The following NME7 variants were observed in gnomAD, a reference collection of about 807,000 sequenced individuals.
NME7 encodes the protein NME/NM23 family member 7.
In NME7, 41 loss-of-function variants were observed where a neutral mutation model predicts 49.1. The ratio of observed to expected loss-of-function variants is 0.83; its 90% CI spans 0.65 to 1.08. The LOEUF is 1.08. Ranked by LOEUF, NME7 falls within the 50% of genes least tolerant of loss-of-function variation. The pLI, the probability that NME7 is intolerant of heterozygous loss-of-function variation, is 0.00. For synonymous variants in NME7, 139 were observed against 150.6 expected (o/e 0.92, Z 0.56); for missense variants, 423 against 463.4 (o/e 0.91, Z 0.80).
chr1:169,148,187 G>C (rs1658813955), intron 11 of NME7, among the ~76,000 whole-genome samples: 1 of 151,918 alleles, frequency 6.6e-6, no homozygotes, highest in South Asian at 2.1e-4. Context: ...ATTTTTTGTA[G>C]AGCCAAGATT....
At position 169,197,192 on chromosome 1, in the gene NME7, T is replaced by G. The variant is rs530467221; in HGVS notation, c.991-27638A>C. ...TGAAATGTTCTATATTTAACTGCTT[T>G]ATAAATTGAAAAAGATTTTTGGAAA... On this transcript the variant is annotated intron_variant, in intron 10 of 11. Transcript: ENST00000367811. Among the ~76,000 whole-genome samples, 3 of 152,282 alleles carry G rather than the reference T, an allele frequency of 2.0e-5. No individual in the cohort carries two copies. The South Asian group carries it at 6.2e-4, about 32-fold the overall frequency.
At chr1:169,342,501 AAG>A (rs1265459677) in intron 1 of NME7, among the ~76,000 whole-genome samples, 3 of 128,014 alleles carry the variant, frequency 2.3e-5, no homozygotes, top group East Asian at 4.1e-4. Context: ...ATATATATAC[AAG>A]TACATATATA....
At chr1:169,207,736 A>G (rs1203156540) in intron 10 of NME7, among the ~76,000 whole-genome samples, 1 of 152,158 alleles carries the variant, frequency 6.6e-6, no homozygotes, top group African/African-American at 2.4e-5. Flanking sequence ...CATTGATGAG[A>G]AATTCAAAAG....
chr1:169,360,935 A>G (rs1653630696), intron 1 of NME7, among the ~76,000 whole-genome samples: 1 of 152,216 alleles, frequency 6.6e-6, no homozygotes, highest in East Asian at 1.9e-4. Context: ...ACCCCAGGCT[A>G]GTTCAGATCA....
At chr1:169,337,761 G>T (rs1006373691) in intron 1 of NME7, among the ~76,000 whole-genome samples, 1 of 152,122 alleles carries the variant, frequency 6.6e-6, no homozygotes, top group African/African-American at 2.4e-5. Context: ...CAAGGAAAAG[G>T]TTTATATTAT....
chr1:169,342,460 C>A (rs1044519647), intron 1 of NME7, among the ~76,000 whole-genome samples: 2 of 144,964 alleles, frequency 1.4e-5, no homozygotes, highest in African/African-American at 2.6e-5. Context: ...TGGACTAATA[C>A]AAGTACATAT....
chr1:169,344,319 T>C (rs866307474), intron 1 of NME7, among the ~76,000 whole-genome samples: 1 of 152,186 alleles, frequency 6.6e-6, no homozygotes, highest in Non-Finnish European at 1.5e-5. Context: ...ATATACAGGG[T>C]CACATCCTCT....
chr1:169,178,657 T>C (rs566330528), intron 10 of NME7, among the ~76,000 whole-genome samples: 2 of 152,270 alleles, frequency 1.3e-5, no homozygotes, highest in East Asian at 3.9e-4. Context: ...CTCAGTGATA[T>C]TCTGAGGCTC....
chr1:169,227,447 T>C (rs528423788), intron 10 of NME7, among the ~76,000 whole-genome samples: 1 of 152,328 alleles, frequency 6.6e-6, no homozygotes, highest in East Asian at 1.9e-4. Context: ...CTAGGCAATT[T>C]ATGGAGAAAA....
rs140225616 is a variant in NME7, at chr1:169,300,827, A to T, written c.441-2064T>A. On this transcript the variant is annotated intron_variant, in intron 5 of 11. Transcript: ENST00000367811. ...TTTGACAAAGTCAACAAAAATAAGC[A>T]ATGGAGAAAGGATTCTCTATTCAAT... is the stretch of plus-strand genomic sequence containing the variant. Among the ~76,000 whole-genome samples, 943 of 152,266 alleles carry T rather than the reference A, an allele frequency of 6.2e-3. 10 individuals are homozygous for T. The highest frequency in any genetic ancestry group is 0.021 in the African/African-American group (888 of 41,550).
chr1:169,270,259 T>C (rs1252043431), intron 7 of NME7, among the ~76,000 whole-genome samples: 1 of 134,288 alleles, frequency 7.4e-6, no homozygotes, highest in Non-Finnish European at 1.7e-5. Context: ...GGAAAATTTC[T>C]AACAAAATTT....
chr1:169,277,401 T>C (rs1178238797), intron 7 of NME7, among the ~76,000 whole-genome samples: 1 of 139,620 alleles, frequency 7.2e-6, no homozygotes, highest in East Asian at 2.4e-4. Flanking sequence ...TTAGGATAGT[T>C]AGCTCTTCTT....
intron 10 of NME7, among the ~76,000 whole-genome samples, chr1:169,186,513 A>G (rs775119921): frequency 1.3e-5 from 2 of 152,178 alleles, no homozygotes; most frequent in Non-Finnish European, 2.9e-5. Flanking sequence ...GTGTCCAGGA[A>G]TTTATCCATT....
intron 1 of NME7, among the ~76,000 whole-genome samples, chr1:169,327,377 A>G (rs1356424056): frequency 2.0e-5 from 3 of 152,252 alleles, no homozygotes; most frequent in East Asian, 1.9e-4. Flanking sequence ...CATTTTAAAT[A>G]TAAGTTATAC....
intron 7 of NME7, among the ~76,000 whole-genome samples, chr1:169,251,633 A>G (rs34829200): frequency 0.22 from 30,257 of 138,806 alleles, 3,993 homozygotes; most frequent in Non-Finnish European, 0.32. Flanking sequence ...ATATGTATAC[A>G]TGTGCCATGC....
At chr1:169,281,570 TATG>T (rs1650017140) in intron 7 of NME7, among the ~76,000 whole-genome samples, 1 of 152,212 alleles carries the variant, frequency 6.6e-6, no homozygotes, top group African/African-American at 2.4e-5. Context: ...GCCCATTCAG[TATG>T]ATATTGGCTG....
intron 7 of NME7, among the ~76,000 whole-genome samples, chr1:169,283,525 A>G (rs12044575): frequency 0.1 from 15,680 of 152,122 alleles, 854 homozygotes; most frequent in Admixed American, 0.12. Flanking sequence ...TAGTTAATGC[A>G]GTTTCTTCAT....
chr1:169,212,138 C>G (rs1409845573), intron 10 of NME7, among the ~76,000 whole-genome samples: 13 of 151,780 alleles, frequency 8.6e-5, no homozygotes, highest in Admixed American at 8.5e-4. Flanking sequence ...GTATTAAACC[C>G]CTTTCAGCCA....
chr1:169,282,588 A>C (rs1428783375), intron 7 of NME7, among the ~76,000 whole-genome samples: 1 of 151,856 alleles, frequency 6.6e-6, no homozygotes, highest in Non-Finnish European at 1.5e-5. Context: ...GGGCATTTAG[A>C]GCTATAATTT....
Sources: gnomAD v4.1 joint callset for allele counts (sites outside exome capture counted in the v4.1 genomes callset) on GRCh38, gnomAD v4.1.1 for gene constraint, MANE v1.5 for transcripts, NCBI Gene and HGNC (gene_info 2026-07-23, HGNC 2026-07-21) for gene names.